TRAK1: variants seen among roughly 807,000 people sequenced by gnomAD.
TRAK1 encodes the protein trafficking kinesin-binding protein 1.
TRAK1 carries 33 observed loss-of-function variants against 92.1 expected under a neutral mutation model. That is an observed-to-expected ratio of 0.36 (90% CI 0.27 to 0.48). The LOEUF is 0.48. Ranked by LOEUF, TRAK1 falls within the 20% of genes least tolerant of loss-of-function variation. TRAK1 has a pLI of 0.99. For synonymous variants in TRAK1, 521 were observed against 517.3 expected (o/e 1.01, Z -0.10); for missense variants, 1,123 against 1,257.9 (o/e 0.89, Z 1.62).
chr3:42,200,894 A>G lies in TRAK1; in HGVS notation c.1267A>G (p.Met423Val). The G allele has an allele frequency of 5.0e-6, 8 of 1,614,140 alleles. No homozygotes were observed. Among genetic ancestry groups the G allele is most frequent in the Non-Finnish European group, 5.9e-6 (7 of 1,180,024 alleles). ...GCAGAGATCTCTGACCCCTTCTCCC[A>G]TGAACATCCCCGGCTCCAACCAGTC... ...VKQRSLTPSP[M>V]NIPGSNQSSA... The change falls in exon 12 of 16, where the codon ATG becomes GTG. Residue 423 changes from methionine (M) to valine (V), a missense_variant. By Grantham distance (21) the Met-to-Val change is conservative (BLOSUM62 1). Transcript: ENST00000327628.
chr3:42,200,949 G>A lies in TRAK1; in HGVS notation c.1322G>A (p.Cys441Tyr), dbSNP rs749393454. 35 of 1,614,172 alleles carry A rather than the reference G, an allele frequency of 2.2e-5. No homozygotes were observed. The highest frequency in any genetic ancestry group is 2.9e-5 in the Non-Finnish European group (34 of 1,180,038). ...GCCATGAACTCCCTCCTGTCCAGCTGCGTCAGCACCCCCCGGTCCAGCTTC... is the reference window on the plus strand; with the variant it reads ...GCCATGAACTCCCTCCTGTCCAGCTACGTCAGCACCCCCCGGTCCAGCTTC... ...SSAMNSLLSS[C>Y]VSTPRSSFYG... Residue 441 changes from cysteine (C) to tyrosine (Y), a missense_variant, in exon 12 of 16, where the codon TGC becomes TAC. Around this residue, in one of 3 missense-constraint regions of TRAK1, gnomAD observed 686 missense variants for 747.6 expected, o/e 0.92. Coordinates refer to ENST00000327628, the MANE Select transcript of TRAK1 (RefSeq NM_001042646.3).
intron 1 of TRAK1, among the ~76,000 whole-genome samples, chr3:42,038,323 G>GGA (rs1702400276): frequency 6.6e-6 from 1 of 152,170 alleles, no homozygotes; most frequent in Admixed American, 6.5e-5. Flanking sequence ...AAAATAGCAA[G>GGA]GAGATATTGG....
intron 1 of TRAK1, among the ~76,000 whole-genome samples, 156 bp from the exon 2 acceptor site, chr3:42,125,264 T>G (rs1239185593): frequency 1.3e-5 from 2 of 152,188 alleles, no homozygotes; most frequent in Admixed American, 6.5e-5. Flanking sequence ...AGACTAGAAT[T>G]TAAATTGGAA....
chr3:42,071,096 A>G (rs913746395), intron 1 of TRAK1, among the ~76,000 whole-genome samples: 2 of 152,208 alleles, frequency 1.3e-5, no homozygotes, highest in African/African-American at 4.8e-5. Flanking sequence ...GGCTAAGCAC[A>G]CAGTCACTTT....
intron 1 of TRAK1, among the ~76,000 whole-genome samples, chr3:42,034,728 C>T (rs889604318): frequency 2.6e-5 from 4 of 152,144 alleles, no homozygotes; most frequent in African/African-American, 7.2e-5. Flanking sequence ...GCAGGAGCCA[C>T]CAGGTGTGGT....
At chr3:42,042,854 A>ACT (rs1702602397) in intron 1 of TRAK1, among the ~76,000 whole-genome samples, 1 of 151,866 alleles carries the variant, frequency 6.6e-6, no homozygotes, top group Non-Finnish European at 1.5e-5. Context: ...CATCTGTTGT[A>ACT]CTCACTGCTC....
intron 1 of TRAK1, among the ~76,000 whole-genome samples, chr3:42,032,788 C>A (rs932210752): frequency 3.9e-5 from 6 of 152,110 alleles, no homozygotes; most frequent in Non-Finnish European, 8.8e-5. Context: ...CCAGGCATAG[C>A]GGTGCGTGCC....
At chr3:42,111,775 C>T (rs1363237733) in intron 1 of TRAK1, among the ~76,000 whole-genome samples, 4 of 152,130 alleles carry the variant, frequency 2.6e-5, no homozygotes, top group African/African-American at 9.7e-5. Context: ...TTAAAAATTA[C>T]ACGAAGATCA....
chr3:42,220,058 C>T (rs997622726), intron 15 of TRAK1, among the ~76,000 whole-genome samples: 1 of 152,056 alleles, frequency 6.6e-6, no homozygotes, highest in Admixed American at 6.6e-5. Context: ...CTACCCAGGC[C>T]CTATGGCTAA....
At chr3:42,029,348 C>T (rs1702031464) in intron 1 of TRAK1, among the ~76,000 whole-genome samples, 1 of 152,156 alleles carries the variant, frequency 6.6e-6, no homozygotes, top group Admixed American at 6.5e-5. Context: ...GAGTGATCCT[C>T]CCACCTCAGC....
At chr3:42,149,301 A>G in intron 2 of TRAK1, 1 of 1,407,544 alleles carries the variant, frequency 7.1e-7, no homozygotes. Flanking sequence ...GCTCTCTGCA[A>G]ATTGCCTTCC....
rs540049036 is a variant in TRAK1, at chr3:42,203,752, T to G, written c.1744+1000T>G. On this transcript the variant is annotated intron_variant, in intron 13 of 15. Coordinates refer to ENST00000327628, the MANE Select transcript of TRAK1 (RefSeq NM_001042646.3). ...CCCCTCTAAGGAGCCTTCTTAGACGTTTTTTCCTAATCACCCCCCAAAGAC... is the reference window on the plus strand; with the variant it reads ...CCCCTCTAAGGAGCCTTCTTAGACGGTTTTTCCTAATCACCCCCCAAAGAC... 5 of 922,140 alleles carry G rather than the reference T, an allele frequency of 5.4e-6. No individual in the cohort carries two copies. The South Asian group carries it at 2.1e-4, about 38-fold the overall frequency. 57.1% of individuals were successfully genotyped at this position (922,140 alleles called of 1,614,324 possible). A position where few individuals can be genotyped will look rare whatever the true frequency, so the allele number is the denominator to read the frequency against.
intron 4 of TRAK1, among the ~76,000 whole-genome samples, chr3:42,186,328 G>C (rs1299245442): frequency 6.6e-6 from 1 of 152,148 alleles, no homozygotes; most frequent in Non-Finnish European, 1.5e-5. Flanking sequence ...GGGAGTGGAT[G>C]CCCTTGTTCA....
intron 2 of TRAK1, among the ~76,000 whole-genome samples, chr3:42,175,267 G>A (rs1463670249): frequency 2.6e-5 from 4 of 152,114 alleles, no homozygotes; most frequent in Admixed American, 2.6e-4. Flanking sequence ...GTATCTGCAC[G>A]CCTGCAGACC....
At chr3:42,105,269 A>T (rs1707373607) in intron 1 of TRAK1, among the ~76,000 whole-genome samples, 1 of 152,018 alleles carries the variant, frequency 6.6e-6, no homozygotes, top group African/African-American at 2.4e-5. Flanking sequence ...TAAAAGTCTT[A>T]AAAAAAGATT....
chr3:42,023,313 C>T (rs1016588727), intron 1 of TRAK1, among the ~76,000 whole-genome samples: 2 of 152,126 alleles, frequency 1.3e-5, no homozygotes, highest in Non-Finnish European at 2.9e-5. Context: ...GAGAATTTCC[C>T]TCACAAACTC....
At position 42,195,407 on chromosome 3, in the gene TRAK1, A is replaced by G. The variant is rs564346438; in HGVS notation, c.1113+466A>G. On this transcript the variant is annotated intron_variant, in intron 10 of 15. Coordinates refer to ENST00000327628, the MANE Select transcript of TRAK1 (RefSeq NM_001042646.3). ...AAGAACTCCTGTGTATTCCAGCTCT[A>G]TTTCCATGGTTTGATGAAATGCTAA... is the stretch of plus-strand genomic sequence containing the variant. Among the ~76,000 whole-genome samples, 14 of 152,350 alleles carry G rather than the reference A, an allele frequency of 9.2e-5. No homozygotes were observed. The East Asian group carries it at 2.5e-3, about 27-fold the overall frequency.
chr3:42,082,776 G>C (rs1704498265), upstream of TRAK1, among the ~76,000 whole-genome samples: 1 of 152,216 alleles, frequency 6.6e-6, no homozygotes, highest in Non-Finnish European at 1.5e-5. Flanking sequence ...GTATGGATCA[G>C]ATAGAATATG....
rs57831151 is a variant in TRAK1, at chr3:42,063,686, CA to C, written c.-518-23402del. Among the ~76,000 whole-genome samples the C allele has an allele frequency of 6.0e-3, 647 of 107,226 alleles. 1 individual carries two copies. Among genetic ancestry groups the C allele is most frequent in the African/African-American group, 0.018 (467 of 26,316 alleles). 70.3% of individuals were successfully genotyped at this position (107,226 alleles called of 152,430 possible). On this transcript the variant is annotated intron_variant, in intron 1 of 16. Transcript: ENST00000487159. The stretch of plus-strand genomic sequence containing the variant: ...TGGTGACAGAGTGAGACTCTGTCTC[CA>C]AAAAAAAAAAAAAAAGTGGTGGGAG...
Sources: allele counts gnomAD v4.1 joint callset (sites outside exome capture counted in the v4.1 genomes callset), GRCh38; gene constraint gnomAD v4.1.1; regional missense constraint gnomAD v4.1.1; transcripts MANE v1.5; gene names NCBI Gene and HGNC (gene_info 2026-07-23, HGNC 2026-07-21).